AGGF1: variants seen among roughly 807,000 people sequenced by gnomAD.
AGGF1 encodes the protein angiogenic factor with G patch and FHA domains 1.
Under a neutral mutation model 86.5 loss-of-function variants are expected in AGGF1, and 56 were observed. The ratio of observed to expected loss-of-function variants is 0.65; its 90% CI spans 0.52 to 0.81. The LOEUF (loss-of-function observed/expected upper bound fraction) is 0.81, where lower values mean the gene tolerates loss of function less well. AGGF1 is among the 30% of genes least tolerant of loss of function. The pLI is 0.00. For synonymous variants in AGGF1, 313 were observed against 297.1 expected, an observed-to-expected ratio of 1.05 and a Z score of -0.55; for missense variants, 816 against 850.9, an observed-to-expected ratio of 0.96 and a Z score of 0.51.
Position 77,030,829 on chromosome 5 carries a change from G to A in AGGF1, c.63G>A (p.Glu21=). 1.2e-6 allele frequency: 2 copies of A among 1,610,814 alleles called. No homozygotes were observed. The highest frequency in any genetic ancestry group is 2.2e-5 in the East Asian group (1 of 44,866). Residue 21 remains glutamate, a synonymous_variant, in exon 1 of 14, where the codon GAG becomes GAA. Transcript: ENST00000312916. ...CGCCGCCCACCTCCCCCGAGCCTGAGCTGGCCCAGCTAAGGCGGAAGGTGG... is the reference window on the plus strand; with the variant it reads ...CGCCGCCCACCTCCCCCGAGCCTGAACTGGCCCAGCTAAGGCGGAAGGTGG... ...SPPPPTSPEP[E]LAQLRRKVEK... is the part of the protein sequence containing the mutation.
At chr5:77,049,585 T>C (rs557545346) in intron 8 of AGGF1, among the ~76,000 whole-genome samples, 1 of 150,904 alleles carries the variant, frequency 6.6e-6, no homozygotes, top group South Asian at 2.1e-4. Context: ...GATTTCACTC[T>C]GTTACCCAGG....
chr5:77,044,792 T>C (rs2150730990), intron 5 of AGGF1, among the ~76,000 whole-genome samples: 1 of 152,300 alleles, frequency 6.6e-6, no homozygotes, highest in Non-Finnish European at 1.5e-5. Flanking sequence ...TTAGCCAGTC[T>C]CCAAGCTGAA....
chr5:77,052,670 A>G (rs781293112), intron 8 of AGGF1, 36 bp from the exon 9 acceptor site: 1 of 1,466,514 alleles, frequency 6.8e-7, no homozygotes, highest in African/African-American at 1.4e-5. Context: ...TTTGAAAAGT[A>G]TAATAATTAA....
At chr5:77,041,677 A>G (rs1747085073) in intron 5 of AGGF1, among the ~76,000 whole-genome samples, 1 of 151,630 alleles carries the variant, frequency 6.6e-6, no homozygotes, top group Non-Finnish European at 1.5e-5. Context: ...AAAACTAGAG[A>G]ATAGACATGG....
In AGGF1 at chr5:77,039,719, G is replaced by T. The variant is rs374194925; in HGVS notation, c.870G>T (p.Lys290Asn). 14 of 1,608,854 alleles carry T rather than the reference G, an allele frequency of 8.7e-6. No individual in the cohort carries two copies. Among genetic ancestry groups the T allele is most frequent in the Non-Finnish European group, 1.1e-5 (13 of 1,177,304 alleles). Residue 290 changes from lysine to asparagine, a missense_variant and splice_region_variant, in exon 5 of 14, where the codon AAG (lysine) becomes AAT (asparagine). By Grantham distance (94) the Lys-to-Asn change is moderately conservative. This residue lies in a region of AGGF1 where 565 missense variants were observed against 585.8 expected (regional missense o/e 0.96). Coordinates refer to ENST00000312916, the MANE Select transcript of AGGF1 (RefSeq NM_018046.5). ...DPDSSATNEE[K>N]DLNSEDQKAF... ...ATTCTTCTGCAACAAATGAGGAAAA[G>T]GTAATGTCTTTACAATTTTAAAAAT...
chr5:77,063,027 T>C, intron 13 of AGGF1, 25 bp from the exon 14 acceptor site: 1 of 1,613,276 alleles, frequency 6.2e-7, no homozygotes, highest in Non-Finnish European at 8.5e-7. Context: ...CTAAAATAAG[T>C]CCTCTGCTCA....
rs148924404 is a variant in AGGF1, at chr5:77,061,313, G to A, written c.1845-390G>A. On this transcript the variant is annotated intron_variant, in intron 12 of 13. Coordinates refer to ENST00000312916, the MANE Select transcript of AGGF1 (RefSeq NM_018046.5). ...CTTATTTTAAAATTTTAATGAAATGGAACAATTCAGTATTTATTTTGTGTC... is the reference window on the plus strand; with the variant it reads ...CTTATTTTAAAATTTTAATGAAATGAAACAATTCAGTATTTATTTTGTGTC... Among the ~76,000 whole-genome samples, 157 of 152,244 alleles carry A rather than the reference G, an allele frequency of 1.0e-3. 2 individuals are homozygous for A. The highest frequency in any genetic ancestry group is 3.7e-3 in the African/African-American group (153 of 41,548).
chr5:77,061,788 G>A lies in AGGF1; in HGVS notation c.1930G>A (p.Gly644Arg). 6.2e-7 allele frequency: 1 copy of A among 1,612,928 alleles called. No homozygotes were observed. Among genetic ancestry groups the A allele is most frequent in the South Asian group, 1.1e-5 (1 of 91,054 alleles). ...AGAGGGCCTGGGGAAGGATGGTGGA[G>A]GAATGAAAACGCCGGTAAGACTTGG... is the stretch of plus-strand genomic sequence containing the variant. ...KGEGLGKDGGGMKTPIQLQLR... is the reference protein window; with the variant it reads ...KGEGLGKDGGRMKTPIQLQLR... Residue 644 changes from glycine to arginine, a missense_variant, in exon 13 of 14, where the codon GGA (glycine) becomes AGA (arginine). Gly to Arg is a moderately radical substitution (Grantham distance 125). Transcript: ENST00000312916.
chr5:77,039,393 T>C (rs1747023055), intron 4 of AGGF1, 138 bp from the exon 5 acceptor site: 1 of 660,228 alleles, frequency 1.5e-6, no homozygotes, highest in Non-Finnish European at 2.5e-6. Context: ...TTTTTTATTG[T>C]TATCTTTAAT....
rs780097198 is a variant in AGGF1 at position 77,039,636 on chromosome 5, A to G, written c.787A>G (p.Thr263Ala). The G allele has an allele frequency of 1.2e-6, 2 of 1,613,314 alleles. No homozygotes were observed. The highest frequency in any genetic ancestry group is 1.7e-6 in the Non-Finnish European group (2 of 1,179,572). Residue 263 changes from threonine to alanine, a missense_variant, in exon 5 of 14, where the codon ACT becomes GCT. Physicochemically the swap from Thr to Ala is moderately conservative, Grantham distance 58. This residue lies in a region of AGGF1 where 565 missense variants were observed against 585.8 expected (regional missense o/e 0.96). Coordinates refer to ENST00000312916, the MANE Select transcript of AGGF1 (RefSeq NM_018046.5). Reference protein sequence around the residue: ...HSRVDLQPYPTSSTKQSKDKK... With the variant: ...HSRVDLQPYPASSTKQSKDKK... ...TCGAGTAGATTTGCAACCTTATCCG[A>G]CTTCTAGCACAAAACAAAGTAAAGA...
rs866360722 is a variant in AGGF1, at chr5:77,046,536, A to G, written c.1060A>G (p.Thr354Ala). The G allele has an allele frequency of 1.9e-6, 3 of 1,613,832 alleles. No homozygotes were observed. Among genetic ancestry groups the G allele is most frequent in the Admixed American group, 1.7e-5 (1 of 59,974 alleles). Residue 354 changes from threonine to alanine, a missense_variant, in exon 6 of 14, where the codon ACA becomes GCA. Physicochemically the swap from Thr to Ala is moderately conservative, Grantham distance 58. Transcript: ENST00000312916. ...SPLHENISNS[T>A]SFKDEKIMET... is the part of the protein sequence containing the mutation. ...TCTTCATGAAAACATCTCTAATTCA[A>G]CATCATTTAAAGATGAGAAAATCAT...
chr5:77,036,211 A>T lies in AGGF1; in HGVS notation c.517-345A>T, dbSNP rs186014971. Among the ~76,000 whole-genome samples, 703 of 152,002 alleles carry T rather than the reference A, an allele frequency of 4.6e-3. 5 individuals carry two copies. The highest frequency in any genetic ancestry group is 0.016 in the African/African-American group (654 of 41,470). On this transcript the variant is annotated intron_variant, in intron 3 of 13. Transcript: ENST00000312916. ...TTTCTCCTTCATTTGTCTTTTTGAA[A>T]TTTTTTTTCCAATTGAACATATAAT...
intron 2 of AGGF1, 56 bp from the exon 3 acceptor site, chr5:77,035,485 C>G: frequency 2.2e-6 from 3 of 1,373,420 alleles, no homozygotes; most frequent in Non-Finnish European, 3.0e-6. Flanking sequence ...TAGTTAAGTC[C>G]TTTTTATATA....
At chr5:77,034,996 C>A (rs1191183797) in intron 2 of AGGF1, among the ~76,000 whole-genome samples, 1 of 152,208 alleles carries the variant, frequency 6.6e-6, no homozygotes, top group Admixed American at 6.5e-5. Flanking sequence ...AAGAAGAAAT[C>A]ATCTTTCCTA....
Position 77,049,002 on chromosome 5 carries a change from T to G in AGGF1, c.1365+15T>G. 6.2e-7 allele frequency: 1 copy of G among 1,611,014 alleles called. No homozygotes were observed. Among genetic ancestry groups the G allele is most frequent in the African/African-American group, 1.3e-5 (1 of 74,984 alleles). On this transcript the variant is annotated intron_variant, in intron 8 of 13. Coordinates refer to ENST00000312916, the MANE Select transcript of AGGF1 (RefSeq NM_018046.5). ...GTGTCAGTAAGGTAAGCTCTTTGAT[T>G]TATCAAATATAGTCCCCTAGATGTA...
rs1747614693 is a variant in AGGF1, at chr5:77,063,902, T to G, written c.*650T>G. The G allele has an allele frequency of 6.5e-6, 1 of 153,158 alleles. No homozygotes were observed. Among genetic ancestry groups the G allele is most frequent in the African/African-American group, 2.4e-5 (1 of 41,460 alleles). 9.5% of individuals were successfully genotyped at this position (153,158 alleles called of 1,614,324 possible). On this transcript the variant is annotated 3_prime_UTR_variant, in exon 14 of 14. Transcript: ENST00000312916. ...TTTGTTTCATAGCTAATGAGGTATT[T>G]AGATATGAACAACTGAATACATATT...
At chr5:77,052,918 A>C (rs1036498135) in intron 9 of AGGF1, 111 bp downstream of exon 9, 2 of 878,308 alleles carry the variant, frequency 2.3e-6, no homozygotes, top group Admixed American at 2.1e-5. Flanking sequence ...GTTAAGCCCA[A>C]ATGTGTTACT....
rs1277648034 is a variant in AGGF1, at chr5:77,042,484, C to CG, written c.870+2771dup. Among the ~76,000 whole-genome samples the CG allele has an allele frequency of 1.2e-4, 5 of 42,342 alleles. 1 individual carries two copies. The highest frequency in any genetic ancestry group is 2.9e-4 in the Non-Finnish European group (5 of 16,966). The allele number at this position is 42,342 out of a possible 152,430, so 27.8% of individuals were successfully genotyped here. A position where few individuals can be genotyped will look rare whatever the true frequency, so the allele number is the denominator to read the frequency against. On this transcript the variant is annotated intron_variant, in intron 5 of 13. Transcript: ENST00000312916. ...CTCCCGGACGGGGCGGCTGGCCGGG[C>CG]GGGGGGCTGACCCCCCCCACCTCCC...
rs1313033945 is a variant in AGGF1, at chr5:77,064,095, AAG to A, written c.*846_*847del. On this transcript the variant is annotated 3_prime_UTR_variant, in exon 14 of 14. Transcript: ENST00000312916. ...GCAATAAAAACATTATAACATGAAA[AAG>A]AGTGATTTTTTGAACCGGTGATTTA... 4 of 152,646 alleles carry A rather than the reference AAG, an allele frequency of 2.6e-5. No individual in the cohort carries two copies. The highest frequency in any genetic ancestry group is 9.7e-5 in the African/African-American group (4 of 41,448). The allele number at this position is 152,646 out of a possible 1,614,324, so 9.5% of individuals were successfully genotyped here.
Sources: gnomAD v4.1 joint callset for allele counts (sites outside exome capture counted in the v4.1 genomes callset) on GRCh38, gnomAD v4.1.1 for gene constraint, gnomAD v4.1.1 regional missense constraint, MANE v1.5 for transcripts, NCBI Gene and HGNC (gene_info 2026-07-23, HGNC 2026-07-21) for gene names.